The following RAPGEF2 variants were observed in gnomAD, a reference collection of about 807,000 sequenced individuals.
RAPGEF2 encodes Rap guanine nucleotide exchange factor 2.
Under a neutral mutation model 186.7 loss-of-function variants are expected in RAPGEF2, and 54 were observed. The observed-to-expected ratio is 0.29, with a 90% confidence interval of 0.23 to 0.36. The LOEUF (loss-of-function observed/expected upper bound fraction) is 0.36, where lower values mean the gene tolerates loss of function less well. Among genes scored for constraint, RAPGEF2 ranks in the 10% least tolerant of loss-of-function variants. The pLI is 1.00. For missense variants in RAPGEF2, 1,532 were observed against 2,045.0 expected, an observed-to-expected ratio of 0.75 and a Z score of 4.84; for synonymous variants, 712 against 705.9, an observed-to-expected ratio of 1.01 and a Z score of -0.14.
In RAPGEF2 at chr4:159,237,387, CT is replaced by C. The variant is rs564538890; in HGVS notation, c.282-1420del. Among the ~76,000 whole-genome samples, 58 of 152,188 alleles carry C rather than the reference CT, an allele frequency of 3.8e-4. No homozygotes were observed. The South Asian group carries it at 5.8e-3, about 15-fold the overall frequency. On this transcript the variant is annotated intron_variant, in intron 4 of 29. Transcript: ENST00000691494. ...AGATAATTATTATTAAGGAAAAGGA[CT>C]TAAGTGATGGCCTAGTCTAACCTGA...
In RAPGEF2 at chr4:159,353,767, C is replaced by G; in HGVS notation, c.4372C>G (p.Gln1458Glu). 1.2e-6 allele frequency: 2 copies of G among 1,613,948 alleles called. No homozygotes were observed. The highest frequency in any genetic ancestry group is 1.7e-6 in the Non-Finnish European group (2 of 1,179,960). ...GLWASSSHMDQIMFSDHSTKY... is the reference protein window; with the variant it reads ...GLWASSSHMDEIMFSDHSTKY... Reference sequence around the variant, plus strand: ...ATGGGCATCAAGCAGCCATATGGACCAAATTATGTTTTCTGATCATAGCAC... The same window carrying G: ...ATGGGCATCAAGCAGCCATATGGACGAAATTATGTTTTCTGATCATAGCAC... The change falls in exon 28 of 30, where the codon CAA (glutamine) becomes GAA (glutamate). Residue 1458 changes from glutamine (Q) to glutamate (E), a missense_variant. Around this residue, in one of 4 missense-constraint regions of RAPGEF2, gnomAD observed 594 missense variants for 608.5 expected, o/e 0.98. Transcript: ENST00000691494. The surrounding 1 kb of genome is among the most constrained non-coding windows in gnomAD (Gnocchi z 4.3).
At chr4:159,260,572 T>A (rs1481224541) in intron 7 of RAPGEF2, among the ~76,000 whole-genome samples, 1 of 152,154 alleles carries the variant, frequency 6.6e-6, no homozygotes, top group African/African-American at 2.4e-5. Flanking sequence ...TGCAGTTTAG[T>A]TCTTTTCTAT....
chr4:159,122,118 C>T (rs1476777864), intron 1 of RAPGEF2, among the ~76,000 whole-genome samples: 5 of 149,156 alleles, frequency 3.4e-5, no homozygotes, highest in Admixed American at 3.3e-4. Context: ...GTCATGAATG[C>T]ACAAAATATA....
At chr4:159,196,840 T>A (rs1192755626) in intron 3 of RAPGEF2, among the ~76,000 whole-genome samples, 2 of 152,248 alleles carry the variant, frequency 1.3e-5, no homozygotes, top group African/African-American at 2.4e-5. Context: ...ACGACCAAGA[T>A]GACAAAAACG....
chr4:159,247,720 G>A (rs1481031230), intron 7 of RAPGEF2, among the ~76,000 whole-genome samples: 4 of 150,402 alleles, frequency 2.7e-5, no homozygotes, highest in Admixed American at 6.6e-5. Context: ...GATTTAGGTG[G>A]TATTCAGGGA....
chr4:159,318,450 G>C (rs563380449), intron 9 of RAPGEF2, among the ~76,000 whole-genome samples: 1 of 152,186 alleles, frequency 6.6e-6, no homozygotes, highest in African/African-American at 2.4e-5. Context: ...TTATGTCCAC[G>C]TGCATGCATG....
intron 1 of RAPGEF2, among the ~76,000 whole-genome samples, chr4:159,183,606 TA>T (rs1747246669): frequency 6.6e-6 from 1 of 152,022 alleles, no homozygotes; most frequent in African/African-American, 2.4e-5. Flanking sequence ...ATCAAGGAAG[TA>T]AAAAAGATGG....
intron 1 of RAPGEF2, among the ~76,000 whole-genome samples, chr4:159,146,037 T>C (rs1742928467): frequency 6.6e-6 from 1 of 152,162 alleles, no homozygotes; most frequent in East Asian, 1.9e-4. Context: ...AGTATCTTTT[T>C]TTTTTCTGGC....
intron 1 of RAPGEF2, among the ~76,000 whole-genome samples, chr4:159,147,372 C>CTT (rs796242376): frequency 2.1e-5 from 3 of 145,628 alleles, no homozygotes; most frequent in African/African-American, 7.5e-5. Flanking sequence ...ACAAAAATAC[C>CTT]TTTTTTTTTT....
intron 7 of RAPGEF2, among the ~76,000 whole-genome samples, chr4:159,251,878 C>T (rs1013395632): frequency 2.6e-5 from 4 of 151,818 alleles, no homozygotes; most frequent in Middle Eastern, 3.4e-3. Context: ...GGTTCGTTTC[C>T]ACAGCGTGGA....
chr4:159,315,482 G>A (rs137896454), intron 9 of RAPGEF2, among the ~76,000 whole-genome samples: 1 of 152,074 alleles, frequency 6.6e-6, no homozygotes, highest in Non-Finnish European at 1.5e-5. Context: ...AGACGAGAGA[G>A]TGTAGAAATA....
chr4:159,317,245 C>T (rs1371699838), intron 9 of RAPGEF2, among the ~76,000 whole-genome samples: 3 of 152,050 alleles, frequency 2.0e-5, no homozygotes, highest in Non-Finnish European at 4.4e-5. Context: ...GAATTGCTAA[C>T]TCTTTATAGA....
At chr4:159,307,205 G>C (rs1167100646) in intron 8 of RAPGEF2, among the ~76,000 whole-genome samples, 2 of 152,012 alleles carry the variant, frequency 1.3e-5, no homozygotes, top group Admixed American at 1.3e-4. Context: ...AGTTATGAAG[G>C]ATCATTGTTG....
At position 159,104,214 on chromosome 4, in the gene RAPGEF2, C is replaced by G; in HGVS notation, c.52C>G (p.Pro18Ala). ...CCGCCAGGCGGTGATGAAGAATCCCCCCGAAAGGACCCCCCAGGTGAGAAC... is the reference window on the plus strand; with the variant it reads ...CCGCCAGGCGGTGATGAAGAATCCCGCCGAAAGGACCCCCCAGGTGAGAAC... ...SFRQAVMKNPPERTPQDLEIV... is the reference protein window; with the variant it reads ...SFRQAVMKNPAERTPQDLEIV... Residue 18 changes from proline (P) to alanine (A), a missense_variant, in exon 1 of 30, where the codon CCC (proline) becomes GCC (alanine). Transcript: ENST00000691494. 2 of 1,252,780 alleles carry G rather than the reference C, an allele frequency of 1.6e-6. No individual in the cohort carries two copies. The highest frequency in any genetic ancestry group is 2.1e-6 in the Non-Finnish European group (2 of 972,694). 77.6% of individuals were successfully genotyped at this position (1,252,780 alleles called of 1,614,324 possible).
chr4:159,188,663 C>CA (rs58081505), intron 2 of RAPGEF2, among the ~76,000 whole-genome samples: 32,225 of 84,224 alleles, frequency 0.38, 4,353 homozygotes, highest in Non-Finnish European at 0.42. Flanking sequence ...GACTACATCT[C>CA]AAAAAAAAAA....
intron 4 of RAPGEF2, among the ~76,000 whole-genome samples, chr4:159,215,932 T>C (rs997239666): frequency 3.9e-5 from 6 of 152,166 alleles, no homozygotes; most frequent in African/African-American, 1.4e-4. Context: ...GGGTCTGAAA[T>C]ACCAGGTTAT....
At chr4:159,125,297 A>G (rs773380483) in intron 1 of RAPGEF2, among the ~76,000 whole-genome samples, 1 of 152,220 alleles carries the variant, frequency 6.6e-6, no homozygotes, top group South Asian at 2.1e-4. Flanking sequence ...AGGTATATCA[A>G]CCTTGAAATT....
intron 2 of RAPGEF2, among the ~76,000 whole-genome samples, chr4:159,187,237 T>C (rs1747651752): frequency 3.3e-5 from 5 of 152,194 alleles, no homozygotes; most frequent in Admixed American, 2.6e-4. Context: ...TTTTGACATT[T>C]CTGTCATAGT....
intron 3 of RAPGEF2, among the ~76,000 whole-genome samples, chr4:159,194,465 A>G (rs536134315): frequency 2.0e-5 from 3 of 152,112 alleles, no homozygotes; most frequent in African/African-American, 4.8e-5. Flanking sequence ...TCATTGTCCA[A>G]CATGGCAAAC....
Sources: allele counts gnomAD v4.1 joint callset (sites outside exome capture counted in the v4.1 genomes callset), GRCh38; gene constraint gnomAD v4.1.1; regional missense constraint gnomAD v4.1.1; non-coding constraint Gnocchi (gnomAD v3.1); transcripts MANE v1.5; gene names NCBI Gene and HGNC (gene_info 2026-07-23, HGNC 2026-07-21).